The following CDON variants were observed in gnomAD, a reference collection of about 807,000 sequenced individuals.
The protein encoded by CDON is cell adhesion associated, oncogene regulated.
In CDON, 73 loss-of-function variants were observed where a neutral mutation model predicts 120.9. The ratio of observed to expected loss-of-function variants is 0.60; its 90% confidence interval spans 0.50 to 0.73. The LOEUF (loss-of-function observed/expected upper bound fraction) is 0.73. CDON is among the 30% of genes least tolerant of loss of function. The pLI, the probability that CDON is intolerant of heterozygous loss-of-function variation, is 0.00. For missense variants in CDON, 1,470 were observed against 1,587.3 expected (o/e 0.93, Z 1.26); for synonymous variants, 566 against 573.5 (o/e 0.99, Z 0.19).
chr11:126,056,881 T>G (rs1365998672), intron 1 of CDON, among the ~76,000 whole-genome samples: 1 of 152,214 alleles, frequency 6.6e-6, no homozygotes, highest in Non-Finnish European at 1.5e-5. Context: ...TCTTTTTTCT[T>G]CAGAAAAGCA....
At chr11:126,001,000 T>C (rs1444626721) in intron 11 of CDON, among the ~76,000 whole-genome samples, 2 of 152,134 alleles carry the variant, frequency 1.3e-5, no homozygotes, top group Non-Finnish European at 2.9e-5. Flanking sequence ...CTAAGACCTT[T>C]AAAAACCATA....
Position 126,004,033 on chromosome 11 carries a change from C to T in CDON, c.1895G>A (p.Arg632Gln), listed in dbSNP as rs750112081. The stretch of plus-strand genomic sequence containing the variant: ...GAGCTCATTTTCACTTCCTGGGACT[C>T]GAACCGTGTGCCAGCTTCCCAGCAT... The part of the protein sequence containing the change: ...VGMLGSWHTV[R>Q]VPGSENELHL... The change falls in exon 10 of 20, where the codon CGA becomes CAA. Residue 632 changes from arginine to glutamine, a missense_variant. Transcript: ENST00000531738. The T allele has an allele frequency of 5.0e-6, 8 of 1,613,986 alleles. No homozygotes were observed. Among genetic ancestry groups the T allele is most frequent in the South Asian group, 4.4e-5 (4 of 91,064 alleles).
intron 11 of CDON, 46 bp downstream of exon 11, chr11:126,001,673 G>A: frequency 1.3e-6 from 2 of 1,575,242 alleles, no homozygotes; most frequent in Non-Finnish European, 1.7e-6. Flanking sequence ...ATCTGAAGCA[G>A]GTCAGTTATA....
intron 15 of CDON, among the ~76,000 whole-genome samples, chr11:125,985,330 C>T (rs916591481): frequency 3.3e-5 from 5 of 152,144 alleles, no homozygotes; most frequent in South Asian, 2.1e-4. Flanking sequence ...TGTGCCCCCA[C>T]GCACGGATAA....
At chr11:125,977,749 A>G (rs1946185921) in intron 18 of CDON, among the ~76,000 whole-genome samples, 1 of 152,198 alleles carries the variant, frequency 6.6e-6, no homozygotes, top group Non-Finnish European at 1.5e-5. Flanking sequence ...TGTTTGAAAT[A>G]TTGTGAGTAC....
In CDON at chr11:126,015,381, T is replaced by A; in HGVS notation, c.1058A>T (p.His353Leu). The change falls in exon 7 of 20, where the codon CAT (histidine) becomes CTT (leucine). Residue 353 changes from histidine (H) to leucine (L), a missense_variant. Coordinates refer to ENST00000531738, the MANE Select transcript of CDON (RefSeq NM_001378964.1). Reference protein sequence around the residue: ...CTWFHNAQPIHPSARHLTAGN... With the variant: ...CTWFHNAQPILPSARHLTAGN... Reference sequence around the variant, plus strand: ...TGCAGTTAGATGTCGTGCAGAAGGATGAATAGGCTGTGCATTGTGAAACCA... The same window carrying A: ...TGCAGTTAGATGTCGTGCAGAAGGAAGAATAGGCTGTGCATTGTGAAACCA... The A allele has an allele frequency of 6.2e-7, 1 of 1,614,152 alleles. No homozygotes were observed.
chr11:125,961,331 A>AC, intron 19 of CDON, among the ~76,000 whole-genome samples: 1 of 152,248 alleles, frequency 6.6e-6, no homozygotes, highest in East Asian at 1.9e-4. Context: ...AAGTAAAGCA[A>AC]CCCCTTAAAA....
At chr11:125,962,051 T>C (rs925245333) in intron 18 of CDON, 53 bp from the exon 19 acceptor site, 83 of 1,352,388 alleles carry the variant, frequency 6.1e-5, no homozygotes, top group Non-Finnish European at 8.4e-5. Context: ...AACCAATAAT[T>C]AAAATAAGCC....
At chr11:125,964,181 G>T (rs1031408581) in intron 18 of CDON, among the ~76,000 whole-genome samples, 1 of 152,208 alleles carries the variant, frequency 6.6e-6, no homozygotes, top group Non-Finnish European at 1.5e-5. Flanking sequence ...TCTAAACGGG[G>T]TGAAATGTGG....
At chr11:125,990,209 A>G (rs968163608) in intron 14 of CDON, among the ~76,000 whole-genome samples, 5 of 152,200 alleles carry the variant, frequency 3.3e-5, no homozygotes, top group Non-Finnish European at 5.9e-5. Flanking sequence ...AGTTACAAGA[A>G]TGGCCTTAGC....
chr11:126,002,099 T>C (rs1446913545), intron 10 of CDON, among the ~76,000 whole-genome samples: 2 of 152,204 alleles, frequency 1.3e-5, no homozygotes, highest in South Asian at 2.1e-4. Flanking sequence ...ACTTTACGTA[T>C]GCAAAAAAAT....
At position 125,994,958 on chromosome 11, in the gene CDON, G is replaced by A. The variant is rs1266487573; in HGVS notation, c.2457C>T (p.Pro819=). 2.5e-6 allele frequency: 4 copies of A among 1,613,934 alleles called. No individual in the cohort carries two copies. The African/African-American group carries it at 4.0e-5, about 16-fold the overall frequency. The change falls in exon 13 of 20, where the codon CCC becomes CCT. Residue 819 remains proline (P), a synonymous_variant. Coordinates refer to ENST00000531738, the MANE Select transcript of CDON (RefSeq NM_001378964.1). ...ASRPYQVVGF[P]NRFSSRPITG... ...TTATTGGACGGCTGGAAAAGCGATTGGGGAACCCAACCACTTGATAAGGAC... is the reference window on the plus strand; with the variant it reads ...TTATTGGACGGCTGGAAAAGCGATTAGGGAACCCAACCACTTGATAAGGAC...
At chr11:126,048,282 C>A (rs202099211) in intron 1 of CDON, among the ~76,000 whole-genome samples, 231 of 119,394 alleles carry the variant, frequency 1.9e-3, no homozygotes, top group Admixed American at 2.5e-3. Context: ...GACTCTGTCT[C>A]AAAAAAAAAA....
At chr11:125,981,612 A>G (rs1231387021) in intron 16 of CDON, among the ~76,000 whole-genome samples, 1 of 152,224 alleles carries the variant, frequency 6.6e-6, no homozygotes, top group African/African-American at 2.4e-5. Context: ...TAGAGTGTAG[A>G]GATAGCTGTG....
rs145459922 is a variant in CDON, at chr11:125,968,742, C to T, written c.3357-6744G>A. Among the ~76,000 whole-genome samples the T allele has an allele frequency of 6.5e-4, 99 of 152,316 alleles. No individual in the cohort carries two copies. The East Asian group carries it at 0.015, about 23-fold the overall frequency. Reference sequence around the variant, plus strand: ...AAAGCAACTGTGACCTGAATTTCAGCATCAACCACATTGATTTAAAATTTT... The same window carrying T: ...AAAGCAACTGTGACCTGAATTTCAGTATCAACCACATTGATTTAAAATTTT... On this transcript the variant is annotated intron_variant, in intron 18 of 19. Coordinates refer to ENST00000531738, the MANE Select transcript of CDON (RefSeq NM_001378964.1).
chr11:126,010,834 C>A (rs1297362849), intron 7 of CDON, 140 bp from the exon 8 acceptor site: 2 of 720,152 alleles, frequency 2.8e-6, no homozygotes, highest in Non-Finnish European at 5.0e-6. Flanking sequence ...CCCTTCTCAA[C>A]TTTCACCAAG....
intron 8 of CDON, among the ~76,000 whole-genome samples, chr11:126,008,715 C>T (rs898704288): frequency 2.6e-5 from 4 of 152,154 alleles, no homozygotes; most frequent in African/African-American, 9.7e-5. Flanking sequence ...TTAACAATTT[C>T]GAGCAGAGCC....
Position 125,999,536 on chromosome 11 carries a change from C to A in CDON, c.2159-2126G>T, listed in dbSNP as rs1399045427. On this transcript the variant is annotated intron_variant, in intron 11 of 19. Transcript: ENST00000531738. ...GTTTTGAATATTAAATAAATCTTTT[C>A]TTGTGGTTATTTCTTCTTGGACAAC... is the stretch of plus-strand genomic sequence containing the variant. 2.0e-5 allele frequency among the ~76,000 whole-genome samples: 3 copies of A among 152,154 alleles called. No homozygotes were observed. In the East Asian group the frequency reaches 5.8e-4, roughly 29 times the overall value.
At chr11:126,013,580 T>C (rs562616717) in intron 7 of CDON, among the ~76,000 whole-genome samples, 2 of 152,290 alleles carry the variant, frequency 1.3e-5, no homozygotes, top group Admixed American at 1.3e-4. Context: ...ATTATAATTT[T>C]TTGTCACAAA....
Sources: gnomAD v4.1 joint callset for allele counts (sites outside exome capture counted in the v4.1 genomes callset) on GRCh38, gnomAD v4.1.1 for gene constraint, MANE v1.5 for transcripts, NCBI Gene and HGNC (gene_info 2026-07-23, HGNC 2026-07-21) for gene names.